ZC3H18: variants seen among roughly 807,000 people sequenced by gnomAD.
ZC3H18 encodes the protein zinc finger CCCH-type containing 18, also known as zinc finger CCCH domain-containing protein 18.
A neutral mutation model predicts 106.1 loss-of-function variants in ZC3H18; 8 were observed. That is an observed-to-expected ratio of 0.08 (90% CI 0.04 to 0.14). The LOEUF (loss-of-function observed/expected upper bound fraction) is 0.14, where lower values mean the gene tolerates loss of function less well. Among genes scored for constraint, ZC3H18 ranks in the 10% least tolerant of loss-of-function variants. The pLI is 1.00. For missense variants in ZC3H18, 1,318 were observed against 1,278.4 expected (o/e 1.03, Z -0.47); for synonymous variants, 635 against 522.1 (o/e 1.22, Z -2.95).
intron 2 of ZC3H18, among the ~76,000 whole-genome samples, chr16:88,580,001 G>T (rs755452885): frequency 7.9e-5 from 12 of 152,078 alleles, no homozygotes; most frequent in Non-Finnish European, 1.5e-4. Flanking sequence ...TTGACTTCAG[G>T]CCCCTGGGTT....
chr16:88,580,373 C>G lies in ZC3H18; in HGVS notation c.603+2647C>G, dbSNP rs1915051829. ...GCCCGGGGCACATTGAAGGTGAGAA[C>G]CTTTGTAATGTGAAGTGGCAGTGAG... On this transcript the variant is annotated intron_variant, in intron 2 of 17. Transcript: ENST00000301011. Among the ~76,000 whole-genome samples, 4 of 152,044 alleles carry G rather than the reference C, an allele frequency of 2.6e-5. 1 individual carries two copies. In the South Asian group the frequency reaches 8.3e-4, roughly 31 times the overall value.
intron 8 of ZC3H18, among the ~76,000 whole-genome samples, chr16:88,611,748 C>A (rs1242789833): frequency 2.0e-5 from 3 of 152,232 alleles, no homozygotes; most frequent in Non-Finnish European, 4.4e-5. Context: ...GACATCTGCC[C>A]TGAGCTCCTG....
At chr16:88,609,223 T>C in intron 7 of ZC3H18, 172 bp downstream of exon 7, 1 of 456,496 alleles carries the variant, frequency 2.2e-6, no homozygotes, top group East Asian at 3.6e-5. Context: ...GAGGCAGCGA[T>C]TACATTAATG....
At chr16:88,606,005 A>G (rs910286542) in intron 6 of ZC3H18, among the ~76,000 whole-genome samples, 4 of 152,242 alleles carry the variant, frequency 2.6e-5, no homozygotes, top group South Asian at 4.1e-4. Flanking sequence ...ACGTGTGTGC[A>G]CAGGACACTG....
intron 6 of ZC3H18, among the ~76,000 whole-genome samples, chr16:88,600,874 G>A (rs578175519): frequency 4.5e-4 from 68 of 152,330 alleles, no homozygotes; most frequent in Non-Finnish European, 7.6e-4. Context: ...ATTATAATTC[G>A]GGCAGATCTG....
At chr16:88,602,139 G>C (rs991835037) in intron 6 of ZC3H18, among the ~76,000 whole-genome samples, 1 of 152,152 alleles carries the variant, frequency 6.6e-6, no homozygotes, top group South Asian at 2.1e-4. Context: ...CAGCCTTCTC[G>C]GTCCTACCTG....
At chr16:88,581,852 G>A (rs1363907207) in intron 2 of ZC3H18, among the ~76,000 whole-genome samples, 2 of 152,240 alleles carry the variant, frequency 1.3e-5, no homozygotes, top group Non-Finnish European at 2.9e-5. Flanking sequence ...AGCCTGGCGA[G>A]GCTCTGATTT....
At chr16:88,571,898 A>G (rs72809418) in intron 1 of ZC3H18, among the ~76,000 whole-genome samples, 20,265 of 152,246 alleles carry the variant, frequency 0.13, 1,404 homozygotes, top group East Asian at 0.25. Context: ...TAGGCATTCA[A>G]ATAGGTACTG....
intron 2 of ZC3H18, among the ~76,000 whole-genome samples, chr16:88,584,826 A>T (rs1241524899): frequency 6.6e-6 from 1 of 152,210 alleles, no homozygotes; most frequent in East Asian, 1.9e-4. Flanking sequence ...ACAATGCTAC[A>T]TCTGATCTAG....
At chr16:88,626,193 C>G (rs1322531270) in intron 13 of ZC3H18, 1 of 152,122 alleles carries the variant, frequency 6.6e-6, no homozygotes, top group African/African-American at 2.4e-5. Flanking sequence ...CTCAGGTGAT[C>G]CATCCGCCTC....
intron 16 of ZC3H18, among the ~76,000 whole-genome samples, chr16:88,629,633 C>T (rs1330855659): frequency 1.3e-5 from 2 of 152,234 alleles, no homozygotes; most frequent in African/African-American, 2.4e-5. Flanking sequence ...CAGGCTCCTG[C>T]GGACTGAGTG....
rs889180287 is a variant in ZC3H18, at chr16:88,627,353, TCA to T, written c.2109-268_2109-267del. ...TTGCTCGTGACGAGATCTGCCCATCTCAGTCTCCCAGAGTGCTGGGATTACAG... is the reference window on the plus strand; with the variant it reads ...TTGCTCGTGACGAGATCTGCCCATCTGTCTCCCAGAGTGCTGGGATTACAG... On this transcript the variant is annotated intron_variant, in intron 13 of 17. Transcript: ENST00000301011. The surrounding 1 kb of genome is among the most constrained non-coding windows in gnomAD (Gnocchi z 4.5). The T allele has an allele frequency of 1.4e-5, 5 of 368,216 alleles. No homozygotes were observed. The highest frequency in any genetic ancestry group is 2.0e-5 in the African/African-American group (1 of 49,430). The allele number at this position is 368,216 out of a possible 1,614,324, so 22.8% of individuals were successfully genotyped here.
At chr16:88,616,407 C>T (rs1905607169) in intron 8 of ZC3H18, among the ~76,000 whole-genome samples, 1 of 152,240 alleles carries the variant, frequency 6.6e-6, no homozygotes, top group African/African-American at 2.4e-5. Flanking sequence ...CTTCTCGGAG[C>T]TGCCAGCAGC....
intron 3 of ZC3H18, among the ~76,000 whole-genome samples, chr16:88,596,123 G>A (rs985885860): frequency 6.6e-6 from 1 of 152,170 alleles, no homozygotes; most frequent in African/African-American, 2.4e-5. Context: ...TCACCCACTA[G>A]TGTCTGGTCT....
At chr16:88,586,796 C>A in intron 3 of ZC3H18, 112 bp downstream of exon 3, 668 of 581,802 alleles carry the variant, frequency 1.1e-3, no homozygotes, top group East Asian at 2.7e-3. Flanking sequence ...GTTCTCTGGG[C>A]ATTACTGGCT....
At chr16:88,625,144 G>A in intron 12 of ZC3H18, 58 bp from the exon 13 acceptor site, 2 of 1,545,872 alleles carry the variant, frequency 1.3e-6, no homozygotes, top group South Asian at 1.2e-5. Flanking sequence ...GGGGAGGGGA[G>A]GCCGCGAGGG....
intron 2 of ZC3H18, among the ~76,000 whole-genome samples, chr16:88,582,219 C>CTTTTTTTTTTTTTTTTTTTTTT (rs71391393): frequency 2.6e-5 from 2 of 77,182 alleles, no homozygotes; most frequent in Non-Finnish European, 4.4e-5. Context: ...TTTTTCTTTT[C>CTTTTTTTTTTTTTTTTTTTTTT]TTTTTTTTTT....
intron 16 of ZC3H18, 178 bp from the exon 17 acceptor site, chr16:88,630,307 G>C: frequency 1.8e-6 from 1 of 553,794 alleles, no homozygotes. Context: ...CAGATGCCTT[G>C]GTGCCCACAT....
At chr16:88,595,184 G>A (rs1315197260) in intron 3 of ZC3H18, among the ~76,000 whole-genome samples, 1 of 152,126 alleles carries the variant, frequency 6.6e-6, no homozygotes, top group African/African-American at 2.4e-5. Flanking sequence ...AGAAAAACCA[G>A]TTGCTGCTGT....
Sources: allele counts gnomAD v4.1 joint callset (sites outside exome capture counted in the v4.1 genomes callset), GRCh38; gene constraint gnomAD v4.1.1; non-coding constraint Gnocchi (gnomAD v3.1); transcripts MANE v1.5; gene names NCBI Gene and HGNC (gene_info 2026-07-23, HGNC 2026-07-21).